Variants in PALM2AKAP2 observed in about 807,000 individuals in gnomAD.
PALM2AKAP2 encodes the protein PALM2-AKAP2 fusion protein.
PALM2AKAP2 carries 37 observed loss-of-function variants against 71.5 expected under a neutral mutation model. The observed-to-expected ratio is 0.52, with a 90% CI of 0.40 to 0.68. The LOEUF is 0.68. PALM2AKAP2 is among the 30% of genes least tolerant of loss of function. PALM2AKAP2 has a pLI of 0.00. For missense variants in PALM2AKAP2, 1,224 were observed against 1,191.8 expected, an observed-to-expected ratio of 1.03 and a Z score of -0.40; for synonymous variants, 468 against 478.8, an observed-to-expected ratio of 0.98 and a Z score of 0.29.
chr9:110,039,345 A>C (rs1384674899), intron 7 of PALM2AKAP2, among the ~76,000 whole-genome samples: 1 of 152,240 alleles, frequency 6.6e-6, no homozygotes, highest in African/African-American at 2.4e-5. Context: ...AGCACAAGAA[A>C]AATTTTTTTT....
At chr9:109,856,031 A>C (rs1048763441) in intron 1 of PALM2AKAP2, among the ~76,000 whole-genome samples, 1 of 152,234 alleles carries the variant, frequency 6.6e-6, no homozygotes, top group African/African-American at 2.4e-5. Context: ...ATAGCTAACA[A>C]GAGGAAAAAC....
chr9:109,827,684 A>T (rs940748357), intron 1 of PALM2AKAP2, among the ~76,000 whole-genome samples: 1 of 152,090 alleles, frequency 6.6e-6, no homozygotes, highest in Non-Finnish European at 1.5e-5. Flanking sequence ...CCCCCAGTAA[A>T]CTTTTCCTTT....
chr9:109,771,314 A>G (rs1222249397), intron 1 of PALM2AKAP2, among the ~76,000 whole-genome samples: 1 of 152,204 alleles, frequency 6.6e-6, no homozygotes, highest in Non-Finnish European at 1.5e-5. Flanking sequence ...GGACTTGGAA[A>G]GTTAGAAGAA....
chr9:109,646,025 A>C (rs907496388), intron 1 of PALM2AKAP2, among the ~76,000 whole-genome samples: 1 of 152,218 alleles, frequency 6.6e-6, no homozygotes, highest in Non-Finnish European at 1.5e-5. Flanking sequence ...AGAAAGAAAG[A>C]AAAATCTAGG....
chr9:110,136,159 G>T, exon 2 of PALM2AKAP2: 1 of 1,598,758 alleles, frequency 6.3e-7, no homozygotes, highest in African/African-American at 1.3e-5. Flanking sequence ...ATGATATCTG[G>T]CTAAAAAGCG....
intron 3 of PALM2AKAP2, among the ~76,000 whole-genome samples, chr9:109,895,828 C>G (rs987852770): frequency 2.0e-5 from 3 of 152,154 alleles, no homozygotes. Context: ...AACTTACAAT[C>G]ATGGCAGAAG....
intron 1 of PALM2AKAP2, among the ~76,000 whole-genome samples, chr9:110,135,175 A>ATG (rs2119091208): frequency 9.9e-6 from 1 of 101,134 alleles, no homozygotes; most frequent in East Asian, 2.6e-4. Flanking sequence ...ATATATAAAT[A>ATG]TATATATATA....
At chr9:110,080,985 G>C (rs929387510) in intron 1 of PALM2AKAP2, among the ~76,000 whole-genome samples, 2 of 152,064 alleles carry the variant, frequency 1.3e-5, no homozygotes, top group Non-Finnish European at 2.9e-5. Flanking sequence ...CCAGCCAAAT[G>C]TTAAAAGTAT....
intron 7 of PALM2AKAP2, among the ~76,000 whole-genome samples, chr9:110,020,578 G>A (rs1478399555): frequency 2.6e-5 from 4 of 152,178 alleles, no homozygotes; most frequent in African/African-American, 4.8e-5. Context: ...AGTTACTTGG[G>A]AGGCTGAGGA....
chr9:109,650,780 G>A (rs41520148), intron 1 of PALM2AKAP2, among the ~76,000 whole-genome samples: 20,169 of 151,994 alleles, frequency 0.13, 1,504 homozygotes, highest in South Asian at 0.2. Context: ...TCATTTCAGC[G>A]GCTTTGAGGG....
Position 110,026,428 on chromosome 9 carries a change from A to C in PALM2AKAP2, c.582+10389A>C, listed in dbSNP as rs143611257. On this transcript the variant is annotated intron_variant, in intron 7 of 9. Transcript: ENST00000302798. ...TTCACATCTTAGCCTTTTTTCTTTA[A>C]TTTTTTTATTAGCCTAATCAATGCT... Among the ~76,000 whole-genome samples, 758 of 151,890 alleles carry C rather than the reference A, an allele frequency of 5.0e-3. 5 individuals are homozygous for C. Among genetic ancestry groups the C allele is most frequent in the African/African-American group, 0.017 (704 of 41,422 alleles).
chr9:110,016,392 T>C lies in PALM2AKAP2; in HGVS notation c.582+353T>C, dbSNP rs113365595. On this transcript the variant is annotated intron_variant, in intron 7 of 9. Coordinates refer to the PALM2AKAP2 transcript ENST00000302798. ...TAAATGGTAACCCCAGTGGGCACAG[T>C]GGAGCAAATCTGAAAATTCTGATCT... Among the ~76,000 whole-genome samples the C allele has an allele frequency of 1.1e-3, 160 of 152,216 alleles. 1 individual carries two copies. Among genetic ancestry groups the C allele is most frequent in the African/African-American group, 3.7e-3 (154 of 41,530 alleles).
intron 1 of PALM2AKAP2, among the ~76,000 whole-genome samples, chr9:109,725,447 T>G (rs1411627190): frequency 6.6e-6 from 1 of 152,146 alleles, no homozygotes; most frequent in Non-Finnish European, 1.5e-5. Flanking sequence ...CAAATATAAA[T>G]CAAAATGTTT....
chr9:109,819,319 G>A (rs1262192341), intron 1 of PALM2AKAP2, among the ~76,000 whole-genome samples: 14 of 152,100 alleles, frequency 9.2e-5, no homozygotes, highest in Admixed American at 6.6e-4. Flanking sequence ...TTTTACATTC[G>A]TGTAATCCAG....
chr9:109,925,101 G>A lies in PALM2AKAP2; in HGVS notation c.394+19G>A, dbSNP rs41278409. 166 of 1,613,978 alleles carry A rather than the reference G, an allele frequency of 1.0e-4. 1 individual carries two copies. Among genetic ancestry groups the A allele is most frequent in the South Asian group, 8.9e-4 (81 of 91,066 alleles). Reference sequence around the variant, plus strand: ...GATGGAGGTAAGTGCTCTCTGCCCCGACTGTAGATGAATGTTTTAATCCTG... The same window carrying A: ...GATGGAGGTAAGTGCTCTCTGCCCCAACTGTAGATGAATGTTTTAATCCTG... On this transcript the variant is annotated intron_variant, in intron 5 of 9. Coordinates refer to the PALM2AKAP2 transcript ENST00000302798.
chr9:109,993,388 C>T (rs983755737), intron 6 of PALM2AKAP2, among the ~76,000 whole-genome samples: 6 of 152,108 alleles, frequency 3.9e-5, no homozygotes, highest in Admixed American at 3.9e-4. Context: ...AGAAGAGTTT[C>T]CTTCTTCCAG....
At chr9:109,976,263 T>C (rs1361682997) in intron 6 of PALM2AKAP2, among the ~76,000 whole-genome samples, 1 of 152,238 alleles carries the variant, frequency 6.6e-6, no homozygotes, top group Non-Finnish European at 1.5e-5. Context: ...TCATTAGCAG[T>C]TTACACATAT....
intron 3 of PALM2AKAP2, among the ~76,000 whole-genome samples, chr9:110,159,592 G>A (rs2119238760): frequency 6.6e-6 from 1 of 152,298 alleles, no homozygotes; most frequent in Non-Finnish European, 1.5e-5. Context: ...TCATTGGAAT[G>A]TGTATAAAGT....
chr9:110,043,221 T>C (rs1203442504), intron 7 of PALM2AKAP2, among the ~76,000 whole-genome samples: 1 of 152,200 alleles, frequency 6.6e-6, no homozygotes, highest in East Asian at 1.9e-4. Flanking sequence ...TTTCAAATGC[T>C]GTTATCAGAA....
Sources: allele counts gnomAD v4.1 joint callset (sites outside exome capture counted in the v4.1 genomes callset), GRCh38; gene constraint gnomAD v4.1.1; transcripts MANE v1.5; gene names NCBI Gene and HGNC (gene_info 2026-07-23, HGNC 2026-07-21).